Variants in CAMKMT observed in about 807,000 individuals in gnomAD.
The protein encoded by CAMKMT is CaM KMT.
Under a neutral mutation model 48.0 loss-of-function variants are expected in CAMKMT, and 53 were observed. The ratio of observed to expected loss-of-function variants is 1.10; its 90% CI spans 0.89 to 1.39. The LOEUF (loss-of-function observed/expected upper bound fraction) is 1.39, where lower values mean the gene tolerates loss of function less well. CAMKMT is among the 40% of genes most tolerant of loss of function. The probability of loss-of-function intolerance (pLI) is 0.00; values close to 1 mark genes in which losing one functional copy is unlikely to be tolerated. For missense variants in CAMKMT, 428 were observed against 402.7 expected (o/e 1.06, Z -0.54); for synonymous variants, 165 against 152.3 (o/e 1.08, Z -0.61).
At chr2:44,540,047 C>T (rs1667007867) in intron 3 of CAMKMT, among the ~76,000 whole-genome samples, 1 of 152,140 alleles carries the variant, frequency 6.6e-6, no homozygotes, top group African/African-American at 2.4e-5. Context: ...AATAATCATG[C>T]CCAAATCAAT....
At chr2:44,420,522 A>G (rs190084218) in intron 3 of CAMKMT, among the ~76,000 whole-genome samples, 74 of 152,184 alleles carry the variant, frequency 4.9e-4, no homozygotes, top group African/African-American at 1.5e-3. Context: ...ATCCATGTAT[A>G]TGTGGACCTG....
At chr2:44,683,948 T>G (rs573256329) in intron 3 of CAMKMT, among the ~76,000 whole-genome samples, 2 of 151,974 alleles carry the variant, frequency 1.3e-5, no homozygotes, top group African/African-American at 4.8e-5. Flanking sequence ...TTCATGTCAC[T>G]AATGGTATGA....
At chr2:44,381,579 A>G (rs967797373) in intron 2 of CAMKMT, among the ~76,000 whole-genome samples, 1 of 152,226 alleles carries the variant, frequency 6.6e-6, no homozygotes, top group Non-Finnish European at 1.5e-5. Flanking sequence ...CTTAAAATCC[A>G]ACATAAAGTT....
chr2:44,504,757 T>C (rs1041789122), intron 3 of CAMKMT, among the ~76,000 whole-genome samples: 10 of 152,272 alleles, frequency 6.6e-5, no homozygotes, highest in Non-Finnish European at 1.5e-4. Context: ...TTTCCATCTG[T>C]ATATCCTTTT....
chr2:44,573,117 TTAGTAA>T (rs1467316823), intron 3 of CAMKMT, among the ~76,000 whole-genome samples: 8 of 152,162 alleles, frequency 5.3e-5, no homozygotes, highest in Non-Finnish European at 1.2e-4. Context: ...CGTCTATATC[TTAGTAA>T]TAGTAATCTT....
rs140426798 is a variant in CAMKMT at position 44,539,839 on chromosome 2, G to A, written c.376+149534G>A. Among the ~76,000 whole-genome samples the A allele has an allele frequency of 3.4e-3, 510 of 152,228 alleles. 4 individuals carry two copies. The highest frequency in any genetic ancestry group is 0.015 in the South Asian group (72 of 4,820). On this transcript the variant is annotated intron_variant, in intron 3 of 10. Transcript: ENST00000378494. ...CACTTTATTGGCATGTCATATCAGG[G>A]AATGACATTGATGTGTCTCATTATT...
intron 3 of CAMKMT, among the ~76,000 whole-genome samples, chr2:44,691,648 C>T (rs1676662290): frequency 1.3e-5 from 2 of 152,076 alleles, no homozygotes; most frequent in South Asian, 4.1e-4. Context: ...AGATTGGACC[C>T]TTGTTTTTGT....
intron 3 of CAMKMT, among the ~76,000 whole-genome samples, chr2:44,640,153 T>G (rs1466682360): frequency 6.6e-6 from 1 of 152,200 alleles, no homozygotes; most frequent in East Asian, 1.9e-4. Context: ...TGTCATCAAA[T>G]AGGAAGATGA....
chr2:44,567,861 C>G (rs893592426), intron 3 of CAMKMT, among the ~76,000 whole-genome samples: 1 of 152,090 alleles, frequency 6.6e-6, no homozygotes, highest in Non-Finnish European at 1.5e-5. Flanking sequence ...CTCTTTGGAT[C>G]GAGAGTCATT....
chr2:44,705,163 CA>C (rs1482921946), intron 4 of CAMKMT, among the ~76,000 whole-genome samples: 2 of 152,058 alleles, frequency 1.3e-5, no homozygotes, highest in Admixed American at 1.3e-4. Flanking sequence ...TCTATGGGTC[CA>C]TATTTACCAA....
chr2:44,480,215 C>A (rs557851919), intron 3 of CAMKMT, among the ~76,000 whole-genome samples: 6 of 152,100 alleles, frequency 3.9e-5, no homozygotes, highest in Non-Finnish European at 1.5e-5. Flanking sequence ...CGACACAGAA[C>A]TGAGGATGTA....
chr2:44,679,284 T>A (rs1215443545), intron 3 of CAMKMT, among the ~76,000 whole-genome samples: 2 of 152,196 alleles, frequency 1.3e-5, no homozygotes, highest in Non-Finnish European at 2.9e-5. Context: ...TAAATGTGGC[T>A]CAAAACTTGA....
At chr2:44,374,820 G>T (rs922712554) in intron 2 of CAMKMT, among the ~76,000 whole-genome samples, 9 of 152,144 alleles carry the variant, frequency 5.9e-5, no homozygotes, top group Admixed American at 4.6e-4. Context: ...GGCTTCATTG[G>T]CTGCCAAGAT....
intron 3 of CAMKMT, among the ~76,000 whole-genome samples, chr2:44,437,316 A>G (rs993684929): frequency 6.6e-5 from 10 of 152,170 alleles, no homozygotes; most frequent in African/African-American, 2.4e-4. Context: ...TTCATTAACC[A>G]TCTATTTTTG....
intron 3 of CAMKMT, among the ~76,000 whole-genome samples, chr2:44,448,957 A>G (rs1572899192): frequency 6.6e-6 from 1 of 152,296 alleles, no homozygotes; most frequent in East Asian, 1.9e-4. Flanking sequence ...GAGACAGTAG[A>G]TTAGTAGTTG....
intron 3 of CAMKMT, among the ~76,000 whole-genome samples, chr2:44,491,174 A>G (rs1455999957): frequency 6.6e-6 from 1 of 151,536 alleles, no homozygotes; most frequent in African/African-American, 2.4e-5. Context: ...AAAAAAAGGT[A>G]AATGCAGAGT....
chr2:44,554,320 G>C (rs557641334), intron 3 of CAMKMT, among the ~76,000 whole-genome samples: 29 of 152,362 alleles, frequency 1.9e-4, no homozygotes, highest in Non-Finnish European at 3.5e-4. Flanking sequence ...AATCTTCCTA[G>C]TAACCCAGAT....
chr2:44,658,934 A>G (rs74454550), intron 3 of CAMKMT, among the ~76,000 whole-genome samples: 5,034 of 152,130 alleles, frequency 0.033, 249 homozygotes, highest in African/African-American at 0.11. Flanking sequence ...TAGGGTTTCA[A>G]TACTATAGTT....
At chr2:44,383,398 T>A (rs967112822) in intron 2 of CAMKMT, among the ~76,000 whole-genome samples, 3 of 151,958 alleles carry the variant, frequency 2.0e-5, no homozygotes, top group African/African-American at 7.2e-5. Flanking sequence ...CTCCTGATCT[T>A]GTGATCCGCC....
Sources: allele counts gnomAD v4.1 joint callset (sites outside exome capture counted in the v4.1 genomes callset), GRCh38; gene constraint gnomAD v4.1.1; transcripts MANE v1.5; gene names NCBI Gene and HGNC (gene_info 2026-07-23, HGNC 2026-07-21).